The following PTPRD variants were observed in gnomAD, a reference collection of about 807,000 sequenced individuals.
PTPRD encodes the protein protein tyrosine phosphatase receptor type D.
PTPRD carries 34 observed loss-of-function variants against 214.5 expected under a neutral mutation model. The observed-to-expected ratio is 0.16, with a 90% CI of 0.12 to 0.21. PTPRD has a LOEUF of 0.21. Ranked by LOEUF, PTPRD falls within the 10% of genes least tolerant of loss-of-function variation. The pLI is 1.00. For missense variants in PTPRD, 2,545 were observed against 2,398.7 expected (o/e 1.06, Z -1.27); for synonymous variants, 1,128 against 845.7 (o/e 1.33, Z -5.79).
intron 10 of PTPRD, among the ~76,000 whole-genome samples, chr9:9,170,156 A>C (rs1463035192): frequency 6.6e-6 from 1 of 152,220 alleles, no homozygotes; most frequent in African/African-American, 2.4e-5. Context: ...AAATTGGATC[A>C]AAGGATGTGA....
chr9:9,179,258 T>C (rs894771294), intron 10 of PTPRD, among the ~76,000 whole-genome samples: 2 of 152,144 alleles, frequency 1.3e-5, no homozygotes, highest in Non-Finnish European at 2.9e-5. Flanking sequence ...TAGCATTTAA[T>C]CAAATGTTAT....
At chr9:8,621,311 G>C (rs1389372322) in intron 14 of PTPRD, among the ~76,000 whole-genome samples, 1 of 151,948 alleles carries the variant, frequency 6.6e-6, no homozygotes, top group Non-Finnish European at 1.5e-5. Flanking sequence ...AATGCTGTTA[G>C]CATATAGTTA....
chr9:9,762,063 G>T (rs1007279728), intron 6 of PTPRD, among the ~76,000 whole-genome samples: 23 of 152,176 alleles, frequency 1.5e-4, no homozygotes, highest in Non-Finnish European at 3.1e-4. Context: ...GTAGGCCAGT[G>T]TCCGAATCCC....
Position 9,139,574 on chromosome 9 carries a change from A to G in PTPRD, c.-143+43730T>C, listed in dbSNP as rs376440163. On this transcript the variant is annotated intron_variant, in intron 10 of 45. Coordinates refer to ENST00000381196, the MANE Select transcript of PTPRD (RefSeq NM_002839.4). The stretch of plus-strand genomic sequence containing the variant: ...GTCGAGGGTGGCTACTAAGTGACTC[A>G]GGAATGGGTAGCTTAGAAATTATAA... 9.9e-5 allele frequency among the ~76,000 whole-genome samples: 15 copies of G among 152,038 alleles called. No homozygotes were observed. The East Asian group carries it at 1.7e-3, about 18-fold the overall frequency.
At chr9:10,496,253 G>T (rs1215885234) in intron 2 of PTPRD, among the ~76,000 whole-genome samples, 3 of 151,728 alleles carry the variant, frequency 2.0e-5, no homozygotes, top group Admixed American at 2.0e-4. Context: ...TACCAGAACT[G>T]CCAGTTAAGA....
chr9:9,457,856 G>A (rs1052611880), intron 8 of PTPRD, among the ~76,000 whole-genome samples: 1 of 151,942 alleles, frequency 6.6e-6, no homozygotes, highest in African/African-American at 2.4e-5. Flanking sequence ...TCCCCAAAGG[G>A]CATAGAGCAG....
chr9:9,045,408 G>A (rs2154386629), intron 10 of PTPRD, among the ~76,000 whole-genome samples: 1 of 150,594 alleles, frequency 6.6e-6, no homozygotes, highest in Middle Eastern at 3.4e-3. Flanking sequence ...GGGAGGGTGG[G>A]GGTAAGGTGG....
intron 7 of PTPRD, among the ~76,000 whole-genome samples, chr9:9,578,475 A>G (rs1420545266): frequency 6.6e-6 from 1 of 152,062 alleles, no homozygotes; most frequent in Non-Finnish European, 1.5e-5. Flanking sequence ...AAGGAGTCCA[A>G]AAATTTGGGG....
intron 5 of PTPRD, among the ~76,000 whole-genome samples, chr9:9,918,355 A>T (rs1288845076): frequency 2.2e-5 from 2 of 89,840 alleles, no homozygotes; most frequent in African/African-American, 4.6e-5. Flanking sequence ...AAGAGGTAAA[A>T]AAAAAAAAAA....
intron 11 of PTPRD, among the ~76,000 whole-genome samples, chr9:8,960,007 T>A (rs191350887): frequency 1.0e-3 from 158 of 152,130 alleles, no homozygotes; most frequent in African/African-American, 3.6e-3. Flanking sequence ...TTACCAAGTA[T>A]AACGGTTGAT....
intron 3 of PTPRD, among the ~76,000 whole-genome samples, chr9:10,047,576 T>C (rs1408807965): frequency 2.0e-5 from 3 of 152,062 alleles, no homozygotes. Flanking sequence ...CCACATACTT[T>C]TTTGTTCCCA....
intron 12 of PTPRD, among the ~76,000 whole-genome samples, chr9:8,717,277 A>G (rs537268948): frequency 9.2e-5 from 14 of 152,330 alleles, no homozygotes; most frequent in African/African-American, 3.4e-4. Flanking sequence ...GGGATGGAAG[A>G]GAAATACACA....
At chr9:10,153,725 G>A (rs1179690182) in intron 3 of PTPRD, among the ~76,000 whole-genome samples, 1 of 151,832 alleles carries the variant, frequency 6.6e-6, no homozygotes, top group Admixed American at 6.6e-5. Context: ...AGTGTCTTTT[G>A]TTCTCCTTTA....
At chr9:9,002,926 G>A (rs2099429660) in intron 11 of PTPRD, among the ~76,000 whole-genome samples, 1 of 152,018 alleles carries the variant, frequency 6.6e-6, no homozygotes, top group Non-Finnish European at 1.5e-5. Flanking sequence ...GCTCTTACTG[G>A]CTTGCAATAG....
intron 35 of PTPRD, among the ~76,000 whole-genome samples, chr9:8,416,046 C>G (rs1476490897): frequency 6.7e-6 from 1 of 149,812 alleles, no homozygotes; most frequent in Non-Finnish European, 1.5e-5. Context: ...ACTTCAGATA[C>G]TAAACTCTGT....
At chr9:8,345,039 C>A (rs1309795164) in intron 39 of PTPRD, among the ~76,000 whole-genome samples, 1 of 92,180 alleles carries the variant, frequency 1.1e-5, no homozygotes, top group African/African-American at 2.8e-5. Context: ...ACTTTAGAAA[C>A]ATTTGAGATT....
At chr9:8,457,371 T>A (rs186973988) in intron 33 of PTPRD, among the ~76,000 whole-genome samples, 243 of 152,286 alleles carry the variant, frequency 1.6e-3, no homozygotes, top group Non-Finnish European at 2.4e-3. Flanking sequence ...CAAGAAAATT[T>A]ATAACATTAA....
At chr9:8,359,099 C>T (rs866669883) in intron 39 of PTPRD, among the ~76,000 whole-genome samples, 2 of 88,750 alleles carry the variant, frequency 2.3e-5, no homozygotes, top group Middle Eastern at 0.01. Flanking sequence ...CAGAGCGAGA[C>T]TCCGTCTCAA....
chr9:9,794,728 A>C (rs1316967118), intron 5 of PTPRD, among the ~76,000 whole-genome samples: 1 of 152,176 alleles, frequency 6.6e-6, no homozygotes, highest in Non-Finnish European at 1.5e-5. Flanking sequence ...TGGCTTAGAG[A>C]AGATAAATAT....
Sources: gnomAD v4.1 joint callset for allele counts (sites outside exome capture counted in the v4.1 genomes callset) on GRCh38, gnomAD v4.1.1 for gene constraint, MANE v1.5 for transcripts, NCBI Gene and HGNC (gene_info 2026-07-23, HGNC 2026-07-21) for gene names.